Variants in COG5 observed in about 807,000 individuals in gnomAD.
The protein encoded by COG5 is component of oligomeric golgi complex 5.
In COG5, 86 loss-of-function variants were observed where a neutral mutation model predicts 110.4. The observed-to-expected ratio is 0.78, with a 90% CI of 0.65 to 0.93. The LOEUF is 0.93. Ranked by LOEUF, COG5 falls within the 40% of genes least tolerant of loss-of-function variation. COG5 has a pLI of 0.00. For missense variants in COG5, 1,077 were observed against 987.0 expected (o/e 1.09, Z -1.22); for synonymous variants, 360 against 334.6 (o/e 1.08, Z -0.83).
Position 107,510,249 on chromosome 7 carries a change from T to C in COG5, c.538+16988A>G, listed in dbSNP as rs1362376789. 3.3e-5 allele frequency among the ~76,000 whole-genome samples: 5 copies of C among 152,086 alleles called. No individual in the cohort carries two copies. The East Asian group carries it at 9.6e-4, about 29-fold the overall frequency. On this transcript the variant is annotated intron_variant, in intron 6 of 21. Coordinates refer to ENST00000297135, the MANE Select transcript of COG5 (RefSeq NM_006348.5). ...CAAAAAAAGGCAGGGGTTGCAATCC[T>C]AGTCTCTGATAAAACAGACTTTAAA...
chr7:107,203,981 C>G lies in COG5; in HGVS notation c.2376-351G>C, dbSNP rs1798556847. ...AACGGAATGGGCATTTGTGCCTACT[C>G]CCAGAGCTCACGAGGGGCATCCTGC... On this transcript the variant is annotated intron_variant, in intron 21 of 21. Coordinates refer to ENST00000297135, the MANE Select transcript of COG5 (RefSeq NM_006348.5). Among the ~76,000 whole-genome samples, 5 of 152,312 alleles carry G rather than the reference C, an allele frequency of 3.3e-5. No homozygotes were observed. The South Asian group carries it at 1.0e-3, about 32-fold the overall frequency.
chr7:107,453,708 C>CA (rs1795492748), intron 6 of COG5, among the ~76,000 whole-genome samples: 2 of 152,164 alleles, frequency 1.3e-5, no homozygotes, highest in African/African-American at 4.8e-5. Context: ...AAAGAGAGCA[C>CA]AATATGGCAC....
intron 12 of COG5, among the ~76,000 whole-genome samples, 199 bp from the exon 13 acceptor site, chr7:107,283,931 C>CTTTTTTTTTTTTTTTTTTTTTTTT (rs71522833): frequency 1.4e-5 from 2 of 142,636 alleles, no homozygotes; most frequent in African/African-American, 2.5e-5. Flanking sequence ...CCATAGTAAC[C>CTTTTTTTTTTTTTTTTTTTTTTTT]TTTTTTTTTT....
intron 10 of COG5, among the ~76,000 whole-genome samples, chr7:107,326,067 T>TG (rs1809737844): frequency 5.3e-5 from 8 of 152,208 alleles, no homozygotes; most frequent in Admixed American, 5.2e-4. Context: ...CATGGTCGTC[T>TG]CAATTAATGC....
chr7:107,235,018 C>A (rs957044120), intron 18 of COG5, among the ~76,000 whole-genome samples: 8 of 152,136 alleles, frequency 5.3e-5, no homozygotes, highest in Non-Finnish European at 8.8e-5. Flanking sequence ...GCTGTGGCTA[C>A]TACAAGCATA....
At chr7:107,305,343 C>T (rs1281212772) in intron 11 of COG5, among the ~76,000 whole-genome samples, 1 of 152,110 alleles carries the variant, frequency 6.6e-6, no homozygotes, top group Non-Finnish European at 1.5e-5. Flanking sequence ...CATTCCTTTT[C>T]CTAACTGGCC....
intron 6 of COG5, among the ~76,000 whole-genome samples, chr7:107,502,373 A>T (rs556991776): frequency 5.9e-5 from 9 of 152,220 alleles, no homozygotes; most frequent in East Asian, 1.9e-4. Flanking sequence ...GTAGTATTAC[A>T]TGGTGTGTAT....
At chr7:107,417,655 T>C (rs1197876277) in intron 6 of COG5, among the ~76,000 whole-genome samples, 3 of 152,170 alleles carry the variant, frequency 2.0e-5, no homozygotes, top group Non-Finnish European at 4.4e-5. Flanking sequence ...CTACTTTATA[T>C]GCTTTTTCCA....
At chr7:107,340,436 C>A (rs1009753137) in intron 10 of COG5, among the ~76,000 whole-genome samples, 3 of 152,032 alleles carry the variant, frequency 2.0e-5, no homozygotes, top group Admixed American at 2.0e-4. Flanking sequence ...CAGAATTCTA[C>A]CAGACATAAA....
At chr7:107,366,664 T>C (rs1224613986) in intron 8 of COG5, among the ~76,000 whole-genome samples, 1 of 152,088 alleles carries the variant, frequency 6.6e-6, no homozygotes, top group Non-Finnish European at 1.5e-5. Flanking sequence ...AATTCTCTAA[T>C]ACAACACTAA....
chr7:107,283,630 C>CG lies in COG5; in HGVS notation c.1415dup (p.Gly474TrpfsTer3), dbSNP rs773281248. The CG allele has an allele frequency of 8.7e-6, 14 of 1,613,730 alleles. No homozygotes were observed. In the East Asian group the frequency reaches 8.9e-5, roughly 10 times the overall value. On this transcript the variant is annotated frameshift_variant, in exon 13 of 22. Transcript: ENST00000297135. LOFTEE classifies it high-confidence loss of function. ...CAGAGGAAGGAGGATTACGACCACCCGGGGGAAAAACCAAGTTGATAGGAT... is the reference window on the plus strand; with the variant it reads ...CAGAGGAAGGAGGATTACGACCACCCGGGGGGAAAAACCAAGTTGATAGGAT...
chr7:107,273,786 A>T (rs1804470994), intron 14 of COG5, among the ~76,000 whole-genome samples: 1 of 152,126 alleles, frequency 6.6e-6, no homozygotes, highest in Non-Finnish European at 1.5e-5. Flanking sequence ...CTCAGAGACT[A>T]AAAAAACTTC....
intron 14 of COG5, among the ~76,000 whole-genome samples, chr7:107,271,913 C>T (rs953614913): frequency 6.6e-6 from 1 of 152,128 alleles, no homozygotes; most frequent in Non-Finnish European, 1.5e-5. Context: ...CCTACAAATG[C>T]CAATAGATTT....
At chr7:107,242,512 A>G (rs1467833525) in intron 17 of COG5, among the ~76,000 whole-genome samples, 1 of 152,226 alleles carries the variant, frequency 6.6e-6, no homozygotes, top group Non-Finnish European at 1.5e-5. Flanking sequence ...TCAAGCCAGT[A>G]GCAACTCAGC....
intron 1 of COG5, chr7:107,563,542 CA>C (rs1196172883): frequency 9.7e-5 from 34 of 350,496 alleles, no homozygotes; most frequent in Admixed American, 1.2e-4. Context: ...AAGCTGGAGG[CA>C]TGGGGGGGGG....
At chr7:107,437,226 ATTTC>A (rs1277834861) in intron 6 of COG5, among the ~76,000 whole-genome samples, 10 of 152,162 alleles carry the variant, frequency 6.6e-5, no homozygotes, top group Non-Finnish European at 1.5e-4. Flanking sequence ...TTGTCACATG[ATTTC>A]TTTCTGACTA....
intron 16 of COG5, among the ~76,000 whole-genome samples, chr7:107,250,607 T>C (rs992064511): frequency 6.6e-6 from 1 of 152,052 alleles, no homozygotes; most frequent in African/African-American, 2.4e-5. Context: ...TCTAGAATTA[T>C]CAGGCAAGAA....
At chr7:107,487,914 T>C (rs906118323) in intron 6 of COG5, among the ~76,000 whole-genome samples, 5 of 152,030 alleles carry the variant, frequency 3.3e-5, no homozygotes, top group Admixed American at 2.6e-4. Flanking sequence ...AAGCAAACAG[T>C]TGAGAGGTTA....
At chr7:107,355,980 C>T (rs1420254746) in intron 10 of COG5, among the ~76,000 whole-genome samples, 3 of 152,158 alleles carry the variant, frequency 2.0e-5, no homozygotes, top group Non-Finnish European at 2.9e-5. Context: ...GCTCTTAGCA[C>T]GGTATAGTCC....
Sources: gnomAD v4.1 joint callset for allele counts (sites outside exome capture counted in the v4.1 genomes callset) on GRCh38, gnomAD v4.1.1 for gene constraint, MANE v1.5 for transcripts, NCBI Gene and HGNC (gene_info 2026-07-23, HGNC 2026-07-21) for gene names.